The following PPM1H variants were observed in gnomAD, a reference collection of about 807,000 sequenced individuals.
PPM1H encodes protein phosphatase, Mg2+/Mn2+ dependent 1H, also known as protein phosphatase 1H.
PPM1H carries 27 observed loss-of-function variants against 54.9 expected under a neutral mutation model. That is an observed-to-expected ratio of 0.49 (90% CI 0.36 to 0.68). PPM1H has a LOEUF of 0.68. PPM1H is among the 30% of genes least tolerant of loss of function. The probability of loss-of-function intolerance (pLI) is 0.00; values close to 1 mark genes in which losing one functional copy is unlikely to be tolerated. For synonymous variants in PPM1H, 305 were observed against 270.8 expected (o/e 1.13, Z -1.24); for missense variants, 596 against 667.8 (o/e 0.89, Z 1.19).
chr12:62,755,119 A>C, intron 4 of PPM1H: 1 of 395,378 alleles, frequency 2.5e-6, no homozygotes, highest in Non-Finnish European at 4.8e-6. Flanking sequence ...TTCTTTTCTT[A>C]ATCTTATTTG....
At chr12:62,914,600 A>G (rs1458067376) in intron 1 of PPM1H, among the ~76,000 whole-genome samples, 1 of 152,210 alleles carries the variant, frequency 6.6e-6, no homozygotes, top group African/African-American at 2.4e-5. Flanking sequence ...AATGAAAGAA[A>G]TGGAAGACAC....
chr12:62,901,418 A>G (rs192562782), intron 1 of PPM1H, among the ~76,000 whole-genome samples: 184 of 152,352 alleles, frequency 1.2e-3, no homozygotes, highest in African/African-American at 4.3e-3. Context: ...GCCACTTCAC[A>G]GATGAAATCT....
At chr12:62,769,122 G>A (rs375239035) in intron 4 of PPM1H, among the ~76,000 whole-genome samples, 18 of 152,268 alleles carry the variant, frequency 1.2e-4, no homozygotes, top group African/African-American at 4.3e-4. Context: ...AAGACTGCTT[G>A]CTGGCAATGC....
chr12:62,704,692 C>T (rs149453343), intron 6 of PPM1H, among the ~76,000 whole-genome samples: 76 of 152,308 alleles, frequency 5.0e-4, no homozygotes, highest in African/African-American at 1.7e-3. Context: ...CTGGTAGCAG[C>T]CTAGCTTGTG....
Position 62,843,679 on chromosome 12 carries a change from A to G in PPM1H, c.246-11400T>C, listed in dbSNP as rs139897047. ...AAGCACAGTATTACTGCAAATGTAC[A>G]TTAAAAGTGATAATTAATTTTCCCC... On this transcript the variant is annotated intron_variant, in intron 1 of 9. Coordinates refer to ENST00000228705, the MANE Select transcript of PPM1H (RefSeq NM_020700.2). Among the ~76,000 whole-genome samples the G allele has an allele frequency of 3.0e-3, 450 of 152,352 alleles. 7 individuals carry two copies. Among genetic ancestry groups the G allele is most frequent in the South Asian group, 0.028 (135 of 4,828 alleles).
Position 62,804,666 on chromosome 12 carries a change from C to CTTTTTTTTTTTT in PPM1H, c.412-2507_412-2506insAAAAAAAAAAAA, listed in dbSNP as rs1162966258. On this transcript the variant is annotated intron_variant, in intron 2 of 9. Coordinates refer to ENST00000228705, the MANE Select transcript of PPM1H (RefSeq NM_020700.2). ...TTTAATGCTTCATTTTGGTTAATTT[C>CTTTTTTTTTTTT]TTTTTTTTTCTTTTTTTTTTTTTTT... is the stretch of plus-strand genomic sequence containing the variant. Among the ~76,000 whole-genome samples, 3 of 134,284 alleles carry CTTTTTTTTTTTT rather than the reference C, an allele frequency of 2.2e-5. 1 individual carries two copies. The highest frequency in any genetic ancestry group is 7.3e-5 in the Admixed American group (1 of 13,688). 88.1% of individuals were successfully genotyped at this position (134,284 alleles called of 152,430 possible). A position where few individuals can be genotyped will look rare whatever the true frequency, so the allele number is the denominator to read the frequency against.
At chr12:62,649,376 G>A (rs1224714757) in intron 9 of PPM1H, among the ~76,000 whole-genome samples, 1 of 152,140 alleles carries the variant, frequency 6.6e-6, no homozygotes, top group African/African-American at 2.4e-5. Flanking sequence ...AGCTTAAGGA[G>A]AAAGAATGAC....
intron 2 of PPM1H, among the ~76,000 whole-genome samples, chr12:62,829,823 C>T (rs1868331006): frequency 6.6e-6 from 1 of 152,210 alleles, no homozygotes; most frequent in South Asian, 2.1e-4. Flanking sequence ...AAAATGCCAT[C>T]ACCAACTGGC....
intron 9 of PPM1H, among the ~76,000 whole-genome samples, chr12:62,665,667 A>G (rs1489465469): frequency 6.6e-6 from 1 of 152,166 alleles, no homozygotes; most frequent in African/African-American, 2.4e-5. Context: ...CATCTCTAGA[A>G]TTCCATTTTC....
chr12:62,796,910 G>A (rs747203151), intron 3 of PPM1H, among the ~76,000 whole-genome samples: 22 of 152,166 alleles, frequency 1.4e-4, no homozygotes, highest in Non-Finnish European at 2.4e-4. Flanking sequence ...CTCTAATCCT[G>A]CCTTGGTCTT....
At chr12:62,906,657 G>A (rs1187516631) in intron 1 of PPM1H, among the ~76,000 whole-genome samples, 1 of 152,180 alleles carries the variant, frequency 6.6e-6, no homozygotes, top group Non-Finnish European at 1.5e-5. Flanking sequence ...AGACTATTCA[G>A]AAGCACAGTT....
chr12:62,804,453 C>G (rs116761374), intron 2 of PPM1H, among the ~76,000 whole-genome samples: 9,832 of 151,904 alleles, frequency 0.065, 336 homozygotes, highest in African/African-American at 0.089. Context: ...GTTTCATGTG[C>G]TTGGAGTTTG....
intron 2 of PPM1H, among the ~76,000 whole-genome samples, chr12:62,828,144 T>C (rs1407853233): frequency 6.6e-6 from 1 of 152,178 alleles, no homozygotes. Flanking sequence ...AGTTTTACCA[T>C]TAAGGGCATG....
At chr12:62,765,543 G>C (rs1459577368) in intron 4 of PPM1H, among the ~76,000 whole-genome samples, 1 of 152,208 alleles carries the variant, frequency 6.6e-6, no homozygotes, top group Non-Finnish European at 1.5e-5. Flanking sequence ...AAGCAGAGTT[G>C]AGCCTGCTTC....
intron 1 of PPM1H, among the ~76,000 whole-genome samples, chr12:62,875,864 G>A (rs1250638747): frequency 6.6e-6 from 1 of 152,142 alleles, no homozygotes; most frequent in African/African-American, 2.4e-5. Flanking sequence ...GCATCACTAA[G>A]GCCTCTGTGA....
At chr12:62,731,481 A>C (rs2120503086) in intron 5 of PPM1H, among the ~76,000 whole-genome samples, 1 of 152,296 alleles carries the variant, frequency 6.6e-6, no homozygotes, top group African/African-American at 2.4e-5. Flanking sequence ...GGCTTAAGGA[A>C]TACTTTTCTG....
At chr12:62,932,627 G>GTTTTTTTT (rs1229452777) in intron 1 of PPM1H, among the ~76,000 whole-genome samples, 22 of 22,522 alleles carry the variant, frequency 9.8e-4, no homozygotes, top group Middle Eastern at 0.036. Context: ...GTCCAAATGG[G>GTTTTTTTT]CTTTTTTTTT....
intron 1 of PPM1H, among the ~76,000 whole-genome samples, chr12:62,901,325 T>C (rs1220904742): frequency 2.0e-5 from 3 of 152,230 alleles, no homozygotes; most frequent in Non-Finnish European, 4.4e-5. Context: ...TTCTCAGATT[T>C]CTATTTTTAA....
intron 6 of PPM1H, among the ~76,000 whole-genome samples, chr12:62,703,861 G>C (rs2076157869): frequency 6.6e-6 from 1 of 152,036 alleles, no homozygotes; most frequent in South Asian, 2.1e-4. Flanking sequence ...AAAGGAATCA[G>C]GCCCCAAGTC....
Sources: gnomAD v4.1 joint callset for allele counts (sites outside exome capture counted in the v4.1 genomes callset) on GRCh38, gnomAD v4.1.1 for gene constraint, MANE v1.5 for transcripts, NCBI Gene and HGNC (gene_info 2026-07-23, HGNC 2026-07-21) for gene names.